Variants in RALGPS2 observed in about 807,000 individuals in gnomAD.
RALGPS2 encodes the protein ras-specific guanine nucleotide-releasing factor RalGPS2.
RALGPS2 carries 43 observed loss-of-function variants against 86.8 expected under a neutral mutation model. The ratio of observed to expected loss-of-function variants is 0.50; its 90% CI spans 0.39 to 0.64. The LOEUF (loss-of-function observed/expected upper bound fraction) is 0.64. Among genes scored for constraint, RALGPS2 ranks in the 30% least tolerant of loss-of-function variants. The pLI is 0.00. For synonymous variants in RALGPS2, 243 were observed against 231.3 expected, an observed-to-expected ratio of 1.05 and a Z score of -0.46; for missense variants, 536 against 694.6, an observed-to-expected ratio of 0.77 and a Z score of 2.57.
intron 8 of RALGPS2, among the ~76,000 whole-genome samples, chr1:178,857,954 T>C (rs532803286): frequency 1.3e-5 from 2 of 152,294 alleles, no homozygotes; most frequent in African/African-American, 4.8e-5. Flanking sequence ...TGAATCCAGC[T>C]TTGATTTCAT....
rs1008264464 is a variant in RALGPS2, at chr1:178,825,490, G to A, written c.480+3786G>A. Among the ~76,000 whole-genome samples, 8 of 152,100 alleles carry A rather than the reference G, an allele frequency of 5.3e-5. No individual in the cohort carries two copies. In the South Asian group the frequency reaches 1.4e-3, roughly 28 times the overall value. On this transcript the variant is annotated intron_variant, in intron 7 of 19. Coordinates refer to ENST00000367635, the MANE Select transcript of RALGPS2 (RefSeq NM_152663.5). ...ATTGGAGCAGAAGTCCAGAAACTAA[G>A]AAACCAGAGTATTGGGAGTATTCTC...
intron 8 of RALGPS2, among the ~76,000 whole-genome samples, chr1:178,848,477 C>G (rs1426088565): frequency 6.6e-6 from 1 of 152,102 alleles, no homozygotes; most frequent in Non-Finnish European, 1.5e-5. Context: ...ATGAGCTAAC[C>G]TGGTCTTTCA....
At chr1:178,775,941 G>T (rs920567866) in intron 1 of RALGPS2, among the ~76,000 whole-genome samples, 1 of 148,632 alleles carries the variant, frequency 6.7e-6, no homozygotes, top group African/African-American at 2.5e-5. Context: ...AAAAAAGGAT[G>T]GTTGCATCTG....
rs1285575822 is a variant in RALGPS2 at position 178,811,536 on chromosome 1, T to A, written c.387+132T>A. Reference sequence around the variant, plus strand: ...TAAGACTCATTGATATAAGTCAATTTTTAAAATTGGATGCCTACTTTCTCT... The same window carrying A: ...TAAGACTCATTGATATAAGTCAATTATTAAAATTGGATGCCTACTTTCTCT... On this transcript the variant is annotated intron_variant, in intron 6 of 19. Transcript: ENST00000367635. The A allele has an allele frequency of 2.2e-5, 14 of 631,186 alleles. No homozygotes were observed. In the Admixed American group the frequency reaches 5.0e-4, roughly 22 times the overall value. 39.1% of individuals were successfully genotyped at this position (631,186 alleles called of 1,614,324 possible).
chr1:178,831,681 T>A (rs1347912963), intron 7 of RALGPS2, among the ~76,000 whole-genome samples: 1 of 149,544 alleles, frequency 6.7e-6, no homozygotes, highest in Admixed American at 6.7e-5. Context: ...AGAGACTTTT[T>A]AAATATAACA....
At chr1:178,885,650 C>T (rs1659449549) in intron 12 of RALGPS2, 1 of 207,116 alleles carries the variant, frequency 4.8e-6, no homozygotes, top group African/African-American at 2.3e-5. Context: ...ATTGTTTTTT[C>T]AAAATGGGGA....
intron 1 of RALGPS2, among the ~76,000 whole-genome samples, chr1:178,759,173 G>A (rs1388334503): frequency 2.6e-5 from 4 of 152,148 alleles, no homozygotes; most frequent in African/African-American, 7.2e-5. Context: ...GGTTTTCCAA[G>A]TGTTTTCTTG....
At chr1:178,813,030 T>A (rs1031912531) in intron 6 of RALGPS2, among the ~76,000 whole-genome samples, 17 of 151,162 alleles carry the variant, frequency 1.1e-4, no homozygotes, top group Non-Finnish European at 2.4e-4. Flanking sequence ...CCTCCCGAGT[T>A]CAAGTGATTC....
intron 1 of RALGPS2, among the ~76,000 whole-genome samples, chr1:178,764,047 C>T (rs1652378936): frequency 6.6e-6 from 1 of 151,748 alleles, no homozygotes; most frequent in South Asian, 2.1e-4. Context: ...GAATGATCTG[C>T]CTGTTGTCAG....
chr1:178,838,817 A>C (rs780149052), intron 8 of RALGPS2, among the ~76,000 whole-genome samples: 1 of 152,206 alleles, frequency 6.6e-6, no homozygotes, highest in Non-Finnish European at 1.5e-5. Context: ...AGAAGTCCTT[A>C]AATGACCTGA....
At position 178,841,411 on chromosome 1, in the gene RALGPS2, C is replaced by A. The variant is rs1462681594; in HGVS notation, c.607+7861C>A. Among the ~76,000 whole-genome samples the A allele has an allele frequency of 6.9e-4, 97 of 139,748 alleles. 1 individual carries two copies. In the Middle Eastern group the frequency reaches 0.014, roughly 20 times the overall value. The allele number at this position is 139,748 out of a possible 152,430, so 91.7% of individuals were successfully genotyped here. A position where few individuals can be genotyped will look rare whatever the true frequency, so the allele number is the denominator to read the frequency against. On this transcript the variant is annotated intron_variant, in intron 8 of 19. Transcript: ENST00000367635. ...CCAAAGACAAAAACCACATGATTAT[C>A]TCAATAGATGCAGAAAAAGCCTTTG...
At chr1:178,755,106 C>A (rs955172709) in intron 1 of RALGPS2, among the ~76,000 whole-genome samples, 3 of 152,118 alleles carry the variant, frequency 2.0e-5, no homozygotes, top group Non-Finnish European at 4.4e-5. Context: ...GGCCAGTTCA[C>A]CAGTTTTTAA....
At chr1:178,865,396 G>C in intron 8 of RALGPS2, 1 of 1,614,008 alleles carries the variant, frequency 6.2e-7, no homozygotes, top group Non-Finnish European at 8.5e-7. Flanking sequence ...TAACACGAGA[G>C]TTCATGTTAC....
intron 10 of RALGPS2, among the ~76,000 whole-genome samples, chr1:178,882,867 G>A (rs1318515012): frequency 6.6e-6 from 1 of 152,192 alleles, no homozygotes; most frequent in African/African-American, 2.4e-5. Flanking sequence ...TCTTTCTGCT[G>A]AAGAGTTCTG....
intron 2 of RALGPS2, among the ~76,000 whole-genome samples, chr1:178,777,562 C>T (rs1368203659): frequency 6.6e-6 from 1 of 150,882 alleles, no homozygotes; most frequent in Non-Finnish European, 1.5e-5. Flanking sequence ...CATATGGAAC[C>T]AAAAAAGAGC....
At chr1:178,783,666 A>G (rs1179758837) in intron 2 of RALGPS2, among the ~76,000 whole-genome samples, 1 of 152,144 alleles carries the variant, frequency 6.6e-6, no homozygotes, top group Non-Finnish European at 1.5e-5. Flanking sequence ...TGTTATCTGT[A>G]GCCTCATATC....
Position 178,897,725 on chromosome 1 carries a change from C to T in RALGPS2, c.1493C>T (p.Ala498Val). The change falls in exon 17 of 20, where the codon GCC (alanine) becomes GTC (valine). Residue 498 changes from alanine (A) to valine (V), a missense_variant. Physicochemically the swap from Ala to Val is moderately conservative, Grantham distance 64 (BLOSUM62 0). Transcript: ENST00000367635. ...LCGTQLFYYA[A>V]KSLKATERKH... The stretch of plus-strand genomic sequence containing the variant: ...GGGACACAGCTTTTTTACTATGCTG[C>T]CAAATCTCTAAAGGCTACCGAAAGA... The T allele has an allele frequency of 6.2e-7, 1 of 1,612,396 alleles. No homozygotes were observed. Among genetic ancestry groups the T allele is most frequent in the Non-Finnish European group, 8.5e-7 (1 of 1,178,958 alleles).
chr1:178,770,609 T>A (rs930717562), intron 1 of RALGPS2, among the ~76,000 whole-genome samples: 1 of 148,536 alleles, frequency 6.7e-6, no homozygotes, highest in Non-Finnish European at 1.5e-5. Flanking sequence ...CCCGAGTAGC[T>A]GGTACAATAG....
intron 4 of RALGPS2, among the ~76,000 whole-genome samples, chr1:178,788,617 G>T (rs10157970): frequency 6.6e-6 from 1 of 152,096 alleles, no homozygotes; most frequent in African/African-American, 2.4e-5. Flanking sequence ...CGGGGCAAAG[G>T]CCAGTGAGCT....
Sources: allele counts gnomAD v4.1 joint callset (sites outside exome capture counted in the v4.1 genomes callset), GRCh38; gene constraint gnomAD v4.1.1; transcripts MANE v1.5; gene names NCBI Gene and HGNC (gene_info 2026-07-23, HGNC 2026-07-21).